The following FCGR1A variants were observed in gnomAD, a reference collection of about 807,000 sequenced individuals.
The protein encoded by FCGR1A is high affinity immunoglobulin gamma Fc receptor I.
Under a neutral mutation model 35.0 loss-of-function variants are expected in FCGR1A, and 13 were observed. The ratio of observed to expected loss-of-function variants is 0.37; its 90% CI spans 0.24 to 0.59. The LOEUF is 0.59. FCGR1A is among the 20% of genes least tolerant of loss of function. FCGR1A has a pLI of 0.71. For missense variants in FCGR1A, 227 were observed against 430.0 expected, an observed-to-expected ratio of 0.53 and a Z score of 4.17; for synonymous variants, 91 against 164.7, an observed-to-expected ratio of 0.55 and a Z score of 3.43.
In FCGR1A at chr1:149,788,397, C is replaced by T; in HGVS notation, c.339C>T (p.Val113=). Residue 113 remains valine, a synonymous_variant, in exon 4 of 6, where the codon GTC becomes GTT. Transcript: ENST00000369168. Reference sequence around the variant, plus strand: ...TACTACTGCAGGTCTCCAGCAGAGTCTTCACGGAAGGAGAACCTCTGGCCT... The same window carrying T: ...TACTACTGCAGGTCTCCAGCAGAGTTTTCACGGAAGGAGAACCTCTGGCCT... ...GWLLLQVSSR[V]FTEGEPLALR... 6.2e-7 allele frequency: 1 copy of T among 1,613,482 alleles called. No individual in the cohort carries two copies. Among genetic ancestry groups the T allele is most frequent in the Non-Finnish European group, 8.5e-7 (1 of 1,179,868 alleles).
downstream of FCGR1A, among the ~76,000 whole-genome samples, chr1:149,793,603 T>C (rs1423463102): frequency 1.3e-5 from 2 of 151,832 alleles, no homozygotes; most frequent in African/African-American, 4.9e-5. Flanking sequence ...CTACCGAGGC[T>C]TCACCTGTGA....
chr1:149,786,224 G>T (rs686731), intron 3 of FCGR1A: 1 of 151,926 alleles, frequency 6.6e-6, no homozygotes, highest in Admixed American at 6.5e-5. Context: ...CATTTTTCAC[G>T]TTTATTACCT....
intron 5 of FCGR1A, among the ~76,000 whole-genome samples, chr1:149,790,664 TTC>T (rs57604922): frequency 5.5e-5 from 8 of 146,218 alleles, no homozygotes; most frequent in Admixed American, 1.4e-4. Context: ...TGACCCCCCC[TTC>T]TCTCTCTCTC....
chr1:149,796,771 T>G, the FCGR1A span, among the ~76,000 whole-genome samples: 8 of 152,376 alleles, frequency 5.3e-5, no homozygotes, highest in Admixed American at 5.2e-4. Context: ...TTATTTACCT[T>G]TCATGGGTTA....
chr1:149,785,203 G>A (rs1336295859), intron 3 of FCGR1A, among the ~76,000 whole-genome samples: 3 of 151,710 alleles, frequency 2.0e-5, no homozygotes, highest in African/African-American at 4.9e-5. Flanking sequence ...TTTAAACTTC[G>A]TTAAAAATGA....
Position 149,790,318 on chromosome 1 carries a change from A to G in FCGR1A, c.824A>G (p.Glu275Gly). The stretch of plus-strand genomic sequence containing the variant: ...GGAAATGTCCTTAAGCGCAGCCCTG[A>G]GTTGGAGCTTCAAGTGCTTGGTGAG... The part of the protein sequence containing the change: ...EDGNVLKRSP[E>G]LELQVLGLQL... The change falls in exon 5 of 6, where the codon GAG (glutamate) becomes GGG (glycine). Residue 275 changes from glutamate to glycine, a missense_variant. Physicochemically the swap from Glu to Gly is moderately conservative, Grantham distance 98. This residue lies in a region of FCGR1A where 185 missense variants were observed against 306.6 expected (regional missense o/e 0.60). Transcript: ENST00000369168. 1 of 1,588,794 alleles carries G rather than the reference A, an allele frequency of 6.3e-7. No individual in the cohort carries two copies.
chr1:149,787,507 G>C (rs1291478400), intron 3 of FCGR1A: 1 of 152,376 alleles, frequency 6.6e-6, no homozygotes, highest in Admixed American at 6.5e-5. Context: ...TTTATATCTG[G>C]ATGTTTGCCC....
the FCGR1A span, among the ~76,000 whole-genome samples, chr1:149,799,660 C>G: frequency 6.6e-6 from 1 of 152,202 alleles, no homozygotes; most frequent in African/African-American, 2.4e-5. Flanking sequence ...TTTCAATTCT[C>G]CCCTCCTCTC....
downstream of FCGR1A, chr1:149,792,633 A>G (rs1312039855): frequency 5.3e-5 from 67 of 1,264,700 alleles, 3 homozygotes; most frequent in Non-Finnish European, 6.8e-5. Context: ...CCGCATGTGC[A>G]TATTGCAGCC....
At chr1:149,788,718 G>A in intron 4 of FCGR1A, 101 bp downstream of exon 4, 8 of 1,469,604 alleles carry the variant, frequency 5.4e-6, no homozygotes, top group African/African-American at 1.4e-5. Context: ...GAAGAAACCG[G>A]GCTCCAGAGA....
the FCGR1A span, among the ~76,000 whole-genome samples, chr1:149,800,188 T>TA: frequency 6.6e-6 from 1 of 152,136 alleles, no homozygotes; most frequent in Non-Finnish European, 1.5e-5. Context: ...AAAAGATGCA[T>TA]AAGGTAAAGT....
intron 4 of FCGR1A, among the ~76,000 whole-genome samples, chr1:149,789,224 A>C (rs1405443901): frequency 6.6e-6 from 1 of 151,890 alleles, no homozygotes; most frequent in East Asian, 1.9e-4. Flanking sequence ...TTATCTTTTA[A>C]AGTCAGGAAC....
intron 3 of FCGR1A, chr1:149,786,430 G>A (rs2091551629): frequency 6.6e-6 from 1 of 152,116 alleles, no homozygotes; most frequent in South Asian, 2.1e-4. Flanking sequence ...AACAAGACTT[G>A]TTAATTTTAC....
chr1:149,785,890 G>C (rs1200198287), intron 3 of FCGR1A: 1 of 151,902 alleles, frequency 6.6e-6, no homozygotes, highest in Admixed American at 6.6e-5. Flanking sequence ...AAAGGGCTAC[G>C]GTATGGGACA....
chr1:149,793,776 G>T (rs868982995), downstream of FCGR1A, among the ~76,000 whole-genome samples: 13 of 151,888 alleles, frequency 8.6e-5, no homozygotes, highest in Non-Finnish European at 1.6e-4. Flanking sequence ...TCATCCTAGG[G>T]CCACAAGAGC....
At chr1:149,798,755 G>A in the FCGR1A span, among the ~76,000 whole-genome samples, 1 of 152,106 alleles carries the variant, frequency 6.6e-6, no homozygotes, top group African/African-American at 2.4e-5. Flanking sequence ...GGGACTACAG[G>A]TGCATGTAAC....
chr1:149,790,033 C>T, intron 4 of FCGR1A, 21 bp from the exon 5 acceptor site: 1 of 1,611,712 alleles, frequency 6.2e-7, no homozygotes, highest in Non-Finnish European at 8.5e-7. Context: ...CAACCTTGTC[C>T]CCCATCAACT....
the FCGR1A span, among the ~76,000 whole-genome samples, chr1:149,797,684 C>T: frequency 1.8e-3 from 277 of 152,190 alleles, no homozygotes; most frequent in African/African-American, 6.4e-3. Context: ...TGTAACCCTC[C>T]GCCTCCCAGG....
chr1:149,791,532 G>A lies in FCGR1A; in HGVS notation c.*15G>A. The A allele has an allele frequency of 1.9e-6, 3 of 1,610,486 alleles. No individual in the cohort carries two copies. Among genetic ancestry groups the A allele is most frequent in the South Asian group, 2.2e-5 (2 of 90,860 alleles). On this transcript the variant is annotated 3_prime_UTR_variant, in exon 6 of 6. Transcript: ENST00000369168. The stretch of plus-strand genomic sequence containing the variant: ...GGGCCACGTAGCAGCGGCTCAGTGG[G>A]TGGCCATCGATCTGGACCGTCCCCT...
Sources: allele counts gnomAD v4.1 joint callset (sites outside exome capture counted in the v4.1 genomes callset), GRCh38; gene constraint gnomAD v4.1.1; regional missense constraint gnomAD v4.1.1; transcripts MANE v1.5; gene names NCBI Gene and HGNC (gene_info 2026-07-23, HGNC 2026-07-21).